The following TASOR variants were observed in gnomAD, a reference collection of about 807,000 sequenced individuals.
TASOR encodes transcription activation suppressor.
Under a neutral mutation model 178.6 loss-of-function variants are expected in TASOR, and 53 were observed. That is an observed-to-expected ratio of 0.30 (90% CI 0.24 to 0.37). The LOEUF (loss-of-function observed/expected upper bound fraction) is 0.37. Ranked by LOEUF, TASOR falls within the 10% of genes least tolerant of loss-of-function variation. The pLI, the probability that TASOR is intolerant of heterozygous loss-of-function variation, is 1.00. For synonymous variants in TASOR, 713 were observed against 696.2 expected (o/e 1.02, Z -0.38); for missense variants, 1,815 against 1,971.4 (o/e 0.92, Z 1.50).
Position 56,621,710 on chromosome 3 carries a change from A to G in TASOR, c.*1327T>C. ...CAACTGTATTTTTCAAATAGCCTAG[A>G]TTTACTTATTTTTTTAAATGCTCAT... On this transcript the variant is annotated 3_prime_UTR_variant, in exon 24 of 24. Coordinates refer to ENST00000683822, the MANE Select transcript of TASOR (RefSeq NM_001365635.2). 1.3e-6 allele frequency: 1 copy of G among 791,956 alleles called. No homozygotes were observed. Among genetic ancestry groups the G allele is most frequent in the Middle Eastern group, 3.4e-4 (1 of 2,942 alleles). The allele number at this position is 791,956 out of a possible 1,614,324, so 49.1% of individuals were successfully genotyped here. A position where few individuals can be genotyped will look rare whatever the true frequency, so the allele number is the denominator to read the frequency against.
chr3:56,681,764 GA>G (rs1205283093), intron 1 of TASOR, among the ~76,000 whole-genome samples: 3 of 152,018 alleles, frequency 2.0e-5, no homozygotes, highest in Non-Finnish European at 2.9e-5. Context: ...AACAAAAAAC[GA>G]TACTAATTTT....
intron 18 of TASOR, among the ~76,000 whole-genome samples, chr3:56,631,846 G>C (rs1295704697): frequency 6.6e-6 from 1 of 152,134 alleles, no homozygotes. Context: ...GCCTCCCAAA[G>C]TGCTGGGATT....
intron 11 of TASOR, among the ~76,000 whole-genome samples, chr3:56,653,899 A>C (rs1460974006): frequency 6.6e-6 from 1 of 152,232 alleles, no homozygotes; most frequent in African/African-American, 2.4e-5. Flanking sequence ...ATGCAACTAA[A>C]GCACTACTTA....
At chr3:56,629,081 C>T (rs933135294) in intron 18 of TASOR, 1 of 152,290 alleles carries the variant, frequency 6.6e-6, no homozygotes, top group African/African-American at 2.4e-5. Context: ...CCCAAATCCA[C>T]TTTTCTTTTC....
chr3:56,620,349 A>T lies in TASOR; in HGVS notation c.*2688T>A, dbSNP rs2076250230. ...AGTATGAAATTATACGCATAACCTT[A>T]CTCACCATACTACTTTTTCTCCCAA... On this transcript the variant is annotated 3_prime_UTR_variant, in exon 24 of 24. Transcript: ENST00000683822. 1 of 153,292 alleles carries T rather than the reference A, an allele frequency of 6.5e-6. No homozygotes were observed. Among genetic ancestry groups the T allele is most frequent in the African/African-American group, 2.4e-5 (1 of 41,570 alleles). 9.5% of individuals were successfully genotyped at this position (153,292 alleles called of 1,614,324 possible). A position where few individuals can be genotyped will look rare whatever the true frequency, so the allele number is the denominator to read the frequency against.
At position 56,624,472 on chromosome 3, in the gene TASOR, A is replaced by C. The variant is rs202213634; in HGVS notation, c.4483+7T>G. Reference sequence around the variant, plus strand: ...GTTAAAGAAAATGAAAACCACTGAAAAGTTACCTGACTGCGACTCAAGATT... The same window carrying C: ...GTTAAAGAAAATGAAAACCACTGAACAGTTACCTGACTGCGACTCAAGATT... On this transcript the variant is annotated splice_region_variant and intron_variant, in intron 23 of 23. Coordinates refer to ENST00000683822, the MANE Select transcript of TASOR (RefSeq NM_001365635.2). 1 of 1,609,722 alleles carries C rather than the reference A, an allele frequency of 6.2e-7. No individual in the cohort carries two copies. The highest frequency in any genetic ancestry group is 8.5e-7 in the Non-Finnish European group (1 of 1,178,404).
At chr3:56,681,861 A>T (rs1325605257) in intron 1 of TASOR, among the ~76,000 whole-genome samples, 1 of 152,208 alleles carries the variant, frequency 6.6e-6, no homozygotes, top group Non-Finnish European at 1.5e-5. Context: ...AACTGTTTCC[A>T]TATGGGTTCC....
intron 18 of TASOR, 84 bp from the exon 19 acceptor site, chr3:56,628,698 TA>T (rs970569535): frequency 2.3e-6 from 2 of 855,570 alleles, no homozygotes. Context: ...GATAAACTGA[TA>T]AGCTTAACTA....
In TASOR at chr3:56,621,000, A is replaced by AAAAGTTAGTTAGTT. The variant is rs1553717622; in HGVS notation, c.*2036_*2037insAACTAACTAACTTT. 1.3e-5 allele frequency: 2 copies of AAAAGTTAGTTAGTT among 150,396 alleles called. No individual in the cohort carries two copies. The highest frequency in any genetic ancestry group is 4.9e-5 in the African/African-American group (2 of 40,780). The allele number at this position is 150,396 out of a possible 1,614,324, so 9.3% of individuals were successfully genotyped here. ...ACCCTGTCTCTACTAAAAATACAAA[A>AAAAGTTAGTTAGTT]AGTTAGTTAGTTAGTTAGCCAGGCG... On this transcript the variant is annotated 3_prime_UTR_variant, in exon 24 of 24. Transcript: ENST00000683822.
intron 3 of TASOR, among the ~76,000 whole-genome samples, chr3:56,670,504 C>G (rs1445155534): frequency 6.6e-6 from 1 of 152,188 alleles, no homozygotes; most frequent in Non-Finnish European, 1.5e-5. Context: ...CCATGCCTGG[C>G]TACTTTTCAA....
chr3:56,680,908 C>T (rs1012891816), intron 1 of TASOR, among the ~76,000 whole-genome samples: 3 of 151,752 alleles, frequency 2.0e-5, no homozygotes, highest in African/African-American at 7.3e-5. Context: ...TTTCCTAATC[C>T]CTCAATTATT....
intron 17 of TASOR, among the ~76,000 whole-genome samples, chr3:56,635,270 C>T (rs765317171): frequency 2.0e-5 from 3 of 152,070 alleles, no homozygotes; most frequent in Non-Finnish European, 4.4e-5. Context: ...GGTCTGTAGG[C>T]GGAGGTGAGA....
intron 14 of TASOR, among the ~76,000 whole-genome samples, chr3:56,644,358 A>C (rs1301096847): frequency 6.6e-6 from 1 of 152,226 alleles, no homozygotes; most frequent in Admixed American, 6.5e-5. Context: ...AAGTGCTAAC[A>C]GGTTCAGCAC....
In TASOR at chr3:56,633,108, T is replaced by C; in HGVS notation, c.3683A>G (p.Gln1228Arg). 2.5e-6 allele frequency: 4 copies of C among 1,611,806 alleles called. No individual in the cohort carries two copies. The highest frequency in any genetic ancestry group is 3.4e-6 in the Non-Finnish European group (4 of 1,179,428). Residue 1228 changes from glutamine (Q) to arginine (R), a missense_variant, in exon 18 of 24, where the codon CAG (glutamine) becomes CGG (arginine). Physicochemically the swap from Gln to Arg is conservative, Grantham distance 43. Transcript: ENST00000683822. The stretch of plus-strand genomic sequence containing the variant: ...AATATAAAATTTCACAGTATTTTTC[T>C]GGACGTCTTTCATGATTTTAACCAA... ...NSLVKIMKDVQKNTVKFYIHE... is the reference protein window; with the variant it reads ...NSLVKIMKDVRKNTVKFYIHE...
At chr3:56,653,770 C>G (rs2077410035) in intron 11 of TASOR, among the ~76,000 whole-genome samples, 1 of 151,966 alleles carries the variant, frequency 6.6e-6, no homozygotes, top group Admixed American at 6.6e-5. Flanking sequence ...ACAAAAGTAT[C>G]CCTGTTTCCC....
rs1192768167 is a variant in TASOR at position 56,646,791 on chromosome 3, T to C, written c.1946A>G (p.Lys649Arg). 6.2e-7 allele frequency: 1 copy of C among 1,613,868 alleles called. No homozygotes were observed. Among genetic ancestry groups the C allele is most frequent in the Non-Finnish European group, 8.5e-7 (1 of 1,179,970 alleles). The change falls in exon 14 of 24, where the codon AAA (lysine) becomes AGA (arginine). Residue 649 changes from lysine (K) to arginine (R), a missense_variant. Physicochemically the swap from Lys to Arg is conservative, Grantham distance 26 (BLOSUM62 2). Coordinates refer to ENST00000683822, the MANE Select transcript of TASOR (RefSeq NM_001365635.2). The stretch of plus-strand genomic sequence containing the variant: ...GTTATTTCGTTTTCCAAATTTCATT[T>C]TTGTACCATTCATTTCTTCTTCTTG... ...EGQEEEMNGTKMKFGKRNNSR... is the reference protein window; with the variant it reads ...EGQEEEMNGTRMKFGKRNNSR...
chr3:56,631,214 A>G (rs2076905164), intron 18 of TASOR, among the ~76,000 whole-genome samples: 1 of 152,142 alleles, frequency 6.6e-6, no homozygotes, highest in Non-Finnish European at 1.5e-5. Context: ...GACTCATGTA[A>G]TTTCTATGTT....
intron 1 of TASOR, among the ~76,000 whole-genome samples, chr3:56,676,821 A>G (rs1206210633): frequency 6.6e-6 from 1 of 152,160 alleles, no homozygotes; most frequent in African/African-American, 2.4e-5. Context: ...TTTCCAGTTG[A>G]CTCTAAAGCA....
chr3:56,662,622 G>C (rs2107614220), intron 8 of TASOR, 132 bp from the exon 9 acceptor site: 1 of 512,276 alleles, frequency 2.0e-6, no homozygotes, highest in East Asian at 3.4e-5. Context: ...AAAAAAAACA[G>C]TGACTCTTCT....
Sources: gnomAD v4.1 joint callset for allele counts (sites outside exome capture counted in the v4.1 genomes callset) on GRCh38, gnomAD v4.1.1 for gene constraint, MANE v1.5 for transcripts, NCBI Gene and HGNC (gene_info 2026-07-23, HGNC 2026-07-21) for gene names.